Variants in CPQ observed in about 807,000 individuals in gnomAD.
The protein encoded by CPQ is carboxypeptidase Q.
Under a neutral mutation model 45.7 loss-of-function variants are expected in CPQ, and 37 were observed. The ratio of observed to expected loss-of-function variants is 0.81; its 90% CI spans 0.62 to 1.07. The LOEUF is 1.07. Among genes scored for constraint, CPQ ranks in the 50% least tolerant of loss-of-function variants. The pLI, the probability that CPQ is intolerant of heterozygous loss-of-function variation, is 0.00. For synonymous variants in CPQ, 186 were observed against 205.8 expected, an observed-to-expected ratio of 0.90 and a Z score of 0.82; for missense variants, 537 against 572.9, an observed-to-expected ratio of 0.94 and a Z score of 0.64.
chr8:96,926,576 CTCTTCTTCTTCTTCTTCT>C (rs60745622), intron 4 of CPQ, among the ~76,000 whole-genome samples: 2 of 74,976 alleles, frequency 2.7e-5, no homozygotes, highest in Non-Finnish European at 2.4e-5. Flanking sequence ...CTTCCTCTTC[CTCTTCTTCTTCTTCTTCT>C]TCTTCTTCTT....
rs567722594 is a variant in CPQ at position 96,998,095 on chromosome 8, A to G, written c.962-31308A>G. ...TATGCAGCAACCTGAGTTGATAGCTATCATACCACGCCATGCTACTCTCAT... is the reference window on the plus strand; with the variant it reads ...TATGCAGCAACCTGAGTTGATAGCTGTCATACCACGCCATGCTACTCTCAT... On this transcript the variant is annotated intron_variant, in intron 5 of 7. Transcript: ENST00000220763. Among the ~76,000 whole-genome samples, 8 of 152,096 alleles carry G rather than the reference A, an allele frequency of 5.3e-5. No individual in the cohort carries two copies. In the South Asian group the frequency reaches 1.7e-3, roughly 32 times the overall value.
intron 3 of CPQ, among the ~76,000 whole-genome samples, chr8:96,877,841 G>A (rs1812168550): frequency 6.6e-6 from 1 of 152,142 alleles, no homozygotes; most frequent in African/African-American, 2.4e-5. Flanking sequence ...ACCAGAATTT[G>A]GAATAGATTA....
chr8:96,936,437 AT>A (rs1240360638), intron 4 of CPQ, among the ~76,000 whole-genome samples: 9 of 152,244 alleles, frequency 5.9e-5, no homozygotes, highest in African/African-American at 2.2e-4. Flanking sequence ...GATGCTTTAA[AT>A]ACCACAGAAT....
chr8:97,112,555 G>A (rs758243478), intron 7 of CPQ, among the ~76,000 whole-genome samples: 25 of 152,230 alleles, frequency 1.6e-4, no homozygotes, highest in Non-Finnish European at 8.8e-5. Flanking sequence ...GCTGAAAAGG[G>A]CAGCAAGGAT....
chr8:96,666,689 T>C (rs1586350681), intron 1 of CPQ, among the ~76,000 whole-genome samples: 1 of 152,248 alleles, frequency 6.6e-6, no homozygotes, highest in Non-Finnish European at 1.5e-5. Context: ...AATATGGCTC[T>C]TGGCCTCTAG....
chr8:96,836,343 A>T (rs893354193), intron 3 of CPQ, among the ~76,000 whole-genome samples: 1 of 152,182 alleles, frequency 6.6e-6, no homozygotes, highest in African/African-American at 2.4e-5. Flanking sequence ...AGGGAAAAGG[A>T]AAGAGACATT....
At chr8:96,725,683 C>T (rs1051200842) in intron 1 of CPQ, among the ~76,000 whole-genome samples, 10 of 151,994 alleles carry the variant, frequency 6.6e-5, no homozygotes, top group Non-Finnish European at 1.3e-4. Context: ...GGAAATTTCC[C>T]AAGAAACTTA....
Position 97,029,436 on chromosome 8 carries a change from T to G in CPQ, c.995T>G (p.Leu332Arg). Reference sequence around the variant, plus strand: ...CCAAAGAGGACTCTGCGGCTGGTGCTCTGGACTGCAGAAGAACAAGGTGGA... The same window carrying G: ...CCAAAGAGGACTCTGCGGCTGGTGCGCTGGACTGCAGAAGAACAAGGTGGA... Reference protein sequence around the residue: ...LRPKRTLRLVLWTAEEQGGVG... With the variant: ...LRPKRTLRLVRWTAEEQGGVG... Residue 332 changes from leucine (L) to arginine (R), a missense_variant, in exon 6 of 8, where the codon CTC (leucine) becomes CGC (arginine). Transcript: ENST00000220763. 1.2e-6 allele frequency: 2 copies of G among 1,609,000 alleles called. No individual in the cohort carries two copies. Among genetic ancestry groups the G allele is most frequent in the Non-Finnish European group, 8.5e-7 (1 of 1,177,554 alleles).
chr8:97,131,848 A>G (rs1440067704), intron 7 of CPQ, among the ~76,000 whole-genome samples: 1 of 152,172 alleles, frequency 6.6e-6, no homozygotes, highest in African/African-American at 2.4e-5. Context: ...ACTGATTCCA[A>G]TTCCAAACAA....
chr8:97,000,428 G>C (rs1809256911), intron 5 of CPQ, among the ~76,000 whole-genome samples: 1 of 152,060 alleles, frequency 6.6e-6, no homozygotes. Flanking sequence ...ACGGTATAAG[G>C]AAGGGGTCCA....
At chr8:97,019,910 C>G (rs927251785) in intron 5 of CPQ, among the ~76,000 whole-genome samples, 3 of 151,878 alleles carry the variant, frequency 2.0e-5, no homozygotes, top group South Asian at 2.1e-4. Flanking sequence ...TACCCAAGAA[C>G]TGCAGAATAT....
At chr8:97,070,432 A>C (rs977681221) in intron 7 of CPQ, among the ~76,000 whole-genome samples, 1 of 152,170 alleles carries the variant, frequency 6.6e-6, no homozygotes, top group African/African-American at 2.4e-5. Flanking sequence ...TGCCTGTTCC[A>C]GAGCTGTCGG....
intron 5 of CPQ, among the ~76,000 whole-genome samples, chr8:96,968,351 G>GTCTT (rs1179311194): frequency 6.6e-6 from 1 of 152,070 alleles, no homozygotes; most frequent in Non-Finnish European, 1.5e-5. Flanking sequence ...CACCCATTGA[G>GTCTT]TCTTACTCTT....
intron 1 of CPQ, among the ~76,000 whole-genome samples, chr8:96,766,254 T>G (rs936667175): frequency 6.6e-6 from 1 of 152,156 alleles, no homozygotes. Context: ...TTTCCTCCCC[T>G]CCTACCTCCA....
At chr8:97,093,879 A>C (rs1811168147) in intron 7 of CPQ, among the ~76,000 whole-genome samples, 1 of 152,184 alleles carries the variant, frequency 6.6e-6, no homozygotes, top group African/African-American at 2.4e-5. Context: ...CTCTGACATC[A>C]CTGGGATCAG....
intron 1 of CPQ, among the ~76,000 whole-genome samples, chr8:96,742,779 T>G (rs1442353065): frequency 6.6e-6 from 1 of 152,188 alleles, no homozygotes; most frequent in Admixed American, 6.5e-5. Flanking sequence ...AAAATTCTTT[T>G]CTTTAAGAAT....
At chr8:96,784,725 A>G (rs1221431017) in intron 1 of CPQ, 139 bp from the exon 2 acceptor site, 3 of 620,536 alleles carry the variant, frequency 4.8e-6, no homozygotes, top group Admixed American at 3.0e-5. Flanking sequence ...TCAGAGTAAC[A>G]GTGCCTGAAT....
intron 1 of CPQ, among the ~76,000 whole-genome samples, chr8:96,722,707 T>C: frequency 6.6e-6 from 1 of 152,198 alleles, no homozygotes; most frequent in South Asian, 2.1e-4. Flanking sequence ...ACAGATTTAT[T>C]TCTCTCTCAT....
At chr8:97,070,737 T>G (rs1162801000) in intron 7 of CPQ, among the ~76,000 whole-genome samples, 2 of 152,180 alleles carry the variant, frequency 1.3e-5, no homozygotes, top group Non-Finnish European at 2.9e-5. Context: ...CCTGACAATT[T>G]GAAAGACAAT....
Sources: gnomAD v4.1 joint callset for allele counts (sites outside exome capture counted in the v4.1 genomes callset) on GRCh38, gnomAD v4.1.1 for gene constraint, MANE v1.5 for transcripts, NCBI Gene and HGNC (gene_info 2026-07-23, HGNC 2026-07-21) for gene names.